INTS3: variants seen among roughly 807,000 people sequenced by gnomAD.
INTS3 encodes SOSS complex subunit A.
A neutral mutation model predicts 146.3 loss-of-function variants in INTS3; 34 were observed. The observed-to-expected ratio is 0.23, with a 90% CI of 0.18 to 0.31. The LOEUF is 0.31. Ranked by LOEUF, INTS3 falls within the 10% of genes least tolerant of loss-of-function variation. The pLI, the probability that INTS3 is intolerant of heterozygous loss-of-function variation, is 1.00. For synonymous variants in INTS3, 475 were observed against 494.9 expected (o/e 0.96, Z 0.53); for missense variants, 757 against 1,304.2 (o/e 0.58, Z 6.46).
At chr1:153,754,290 G>A (rs1249618418) in intron 8 of INTS3, among the ~76,000 whole-genome samples, 1 of 152,136 alleles carries the variant, frequency 6.6e-6, no homozygotes, top group East Asian at 1.9e-4. Context: ...TTGATTCCAG[G>A]ACCCAAGGAT....
In INTS3 at chr1:153,770,733, A is replaced by G; in HGVS notation, c.2552A>G (p.Lys851Arg). The change falls in exon 25 of 30, where the codon AAG (lysine) becomes AGG (arginine). Residue 851 changes from lysine to arginine, a missense_variant and splice_region_variant. Transcript: ENST00000318967. ...CTACTGCTTCAACTCCGAAGAGAAA[A>G]GTGAGTTCCACTTCTGGGGCTCTTT... ...SCLLLQLRREKPSEEMVKMVL... is the reference protein window; with the variant it reads ...SCLLLQLRRERPSEEMVKMVL... 1.9e-6 allele frequency: 3 copies of G among 1,612,646 alleles called. No homozygotes were observed. The highest frequency in any genetic ancestry group is 2.5e-6 in the Non-Finnish European group (3 of 1,178,740).
intron 21 of INTS3, among the ~76,000 whole-genome samples, chr1:153,768,298 C>A (rs1170918089): frequency 6.6e-6 from 1 of 152,210 alleles, no homozygotes; most frequent in Non-Finnish European, 1.5e-5. Flanking sequence ...TCGGCCCTTT[C>A]TCCTCTTGGT....
intron 20 of INTS3, among the ~76,000 whole-genome samples, chr1:153,765,506 G>GT (rs1245046483): frequency 6.0e-5 from 9 of 151,038 alleles, no homozygotes; most frequent in South Asian, 2.1e-4. Flanking sequence ...TTGGTTTTGG[G>GT]TTTTTTTTTC....
chr1:153,761,066 C>T, intron 13 of INTS3, 148 bp downstream of exon 13: 1 of 1,453,040 alleles, frequency 6.9e-7, no homozygotes, highest in Non-Finnish European at 9.1e-7. Context: ...CATATGTCTT[C>T]TTGGCTCTTA....
At chr1:153,739,626 A>ATG (rs1671442471) in intron 1 of INTS3, among the ~76,000 whole-genome samples, 3 of 148,756 alleles carry the variant, frequency 2.0e-5, no homozygotes, top group Non-Finnish European at 4.5e-5. Flanking sequence ...GAACCACCGC[A>ATG]CCCAGCTAAT....
At chr1:153,763,951 G>A in intron 17 of INTS3, 65 bp downstream of exon 17, 2 of 1,500,594 alleles carry the variant, frequency 1.3e-6, no homozygotes, top group Non-Finnish European at 1.9e-6. Flanking sequence ...ACGTCTCCCA[G>A]GGAAGACAAC....
In INTS3 at chr1:153,760,973, G is replaced by A. The variant is rs1271363165; in HGVS notation, c.1409+55G>A. 5.7e-6 allele frequency: 9 copies of A among 1,584,688 alleles called. No homozygotes were observed. The East Asian group carries it at 1.3e-4, about 24-fold the overall frequency. ...TTTTCCCATTTTTCATTAGGTCCAG[G>A]TGTATCCAAATGTTGCCATAGCACT... On this transcript the variant is annotated intron_variant, in intron 13 of 29. Coordinates refer to ENST00000318967, the MANE Select transcript of INTS3 (RefSeq NM_023015.5).
At chr1:153,743,451 G>A (rs1020923408) in intron 3 of INTS3, among the ~76,000 whole-genome samples, 13 of 152,288 alleles carry the variant, frequency 8.5e-5, no homozygotes, top group African/African-American at 3.1e-4. Context: ...AGTACTGGCA[G>A]GCAGGTTCAA....
intron 20 of INTS3, chr1:153,766,568 G>C (rs1387171617): frequency 6.6e-6 from 1 of 151,706 alleles, no homozygotes. Context: ...CAAAGTACTA[G>C]GATTATAGAC....
At chr1:153,763,116 A>G in intron 15 of INTS3, 117 bp from the exon 16 acceptor site, 13 of 1,333,582 alleles carry the variant, frequency 9.7e-6, no homozygotes, top group Non-Finnish European at 1.4e-5. Context: ...CTCACACAGC[A>G]TTGAGGAAAC....
chr1:153,756,853 T>G (rs759417608), intron 9 of INTS3, among the ~76,000 whole-genome samples: 1 of 152,208 alleles, frequency 6.6e-6, no homozygotes, highest in Non-Finnish European at 1.5e-5. Context: ...GATATCTCAG[T>G]TACAATAGCT....
At chr1:153,761,799 A>G (rs1672394012) in intron 14 of INTS3, 123 bp downstream of exon 14, 3 of 580,002 alleles carry the variant, frequency 5.2e-6, no homozygotes, top group South Asian at 2.3e-5. Context: ...TGTCCATCAC[A>G]GTTTTTCCTT....
chr1:153,729,335 T>C (rs1214927308), intron 1 of INTS3, among the ~76,000 whole-genome samples: 3 of 152,202 alleles, frequency 2.0e-5, no homozygotes, highest in African/African-American at 4.8e-5. Flanking sequence ...TCAGCCACTG[T>C]AGTGGGGTGA....
intron 5 of INTS3, 63 bp downstream of exon 5, chr1:153,747,426 A>C: frequency 1.6e-6 from 2 of 1,229,960 alleles, no homozygotes; most frequent in South Asian, 1.2e-5. Context: ...CATAGAGACA[A>C]TGGAGAATGA....
intron 5 of INTS3, chr1:153,748,485 T>A (rs964106940): frequency 6.3e-6 from 4 of 637,650 alleles, no homozygotes; most frequent in Non-Finnish European, 8.6e-6. Flanking sequence ...TCTAGAAAAA[T>A]TCAGAACCTT....
Position 153,747,054 on chromosome 1 carries a change from A to T in INTS3, c.416A>T (p.Asp139Val). ...ATGGAGAAGTACCTGAAGCTGCAGG[A>T]TACCTGCCGTACTCAGGTAAGGCCA... ...ILMEKYLKLQ[D>V]TCRTQLVWLV... Residue 139 changes from aspartate to valine, a missense_variant, in exon 4 of 30, where the codon GAT becomes GTT. This residue lies in a region of INTS3 where 160 missense variants were observed against 193.7 expected (regional missense o/e 0.83). Transcript: ENST00000318967. 1 of 1,608,526 alleles carries T rather than the reference A, an allele frequency of 6.2e-7. No homozygotes were observed. Among genetic ancestry groups the T allele is most frequent in the Non-Finnish European group, 8.5e-7 (1 of 1,174,878 alleles).
At chr1:153,766,115 C>CTTTTTTTTTTTTTT (rs542483679) in intron 20 of INTS3, among the ~76,000 whole-genome samples, 42 of 84,650 alleles carry the variant, frequency 5.0e-4, no homozygotes, top group East Asian at 6.5e-4. Context: ...TTTTCTTTCT[C>CTTTTTTTTTTTTTT]TTTTTTTTTT....
At chr1:153,764,030 G>A (rs1672484995) in intron 17 of INTS3, 88 bp from the exon 18 acceptor site, 3 of 1,307,772 alleles carry the variant, frequency 2.3e-6, no homozygotes, top group Non-Finnish European at 2.2e-6. Context: ...CCTGGAGGTG[G>A]AAGCAGATGA....
intron 1 of INTS3, among the ~76,000 whole-genome samples, chr1:153,737,513 T>C (rs769494630): frequency 1.8e-4 from 28 of 152,190 alleles, no homozygotes; most frequent in Non-Finnish European, 7.3e-5. Flanking sequence ...TGGTACTTTT[T>C]TTTTGGACAG....
Sources: allele counts gnomAD v4.1 joint callset (sites outside exome capture counted in the v4.1 genomes callset), GRCh38; gene constraint gnomAD v4.1.1; regional missense constraint gnomAD v4.1.1; transcripts MANE v1.5; gene names NCBI Gene and HGNC (gene_info 2026-07-23, HGNC 2026-07-21).